The following ST18 variants were observed in gnomAD, a reference collection of about 807,000 sequenced individuals.
ST18 encodes the protein ST18 C2H2C-type zinc finger transcription factor.
Under a neutral mutation model 110.0 loss-of-function variants are expected in ST18, and 50 were observed. The observed-to-expected ratio is 0.45, with a 90% CI of 0.36 to 0.58. The LOEUF (loss-of-function observed/expected upper bound fraction) is 0.58. ST18 is among the 20% of genes least tolerant of loss of function. ST18 has a pLI of 0.00. For synonymous variants in ST18, 461 were observed against 452.4 expected (o/e 1.02, Z -0.24); for missense variants, 1,306 against 1,280.1 (o/e 1.02, Z -0.31).
At chr8:52,130,061 A>AG (rs2048617533) in intron 22 of ST18, among the ~76,000 whole-genome samples, 1 of 146,568 alleles carries the variant, frequency 6.8e-6, no homozygotes, top group African/African-American at 2.7e-5. Context: ...AGAAAGAAAG[A>AG]AAGAGAGAGA....
intron 16 of ST18, among the ~76,000 whole-genome samples, chr8:52,147,649 C>T (rs542463017): frequency 1.3e-5 from 2 of 151,928 alleles, no homozygotes; most frequent in East Asian, 3.9e-4. Context: ...GAAATGAGAA[C>T]ATGTTGGGAT....
chr8:52,370,435 T>C (rs1829860844), intron 2 of ST18, among the ~76,000 whole-genome samples: 1 of 151,346 alleles, frequency 6.6e-6, no homozygotes, highest in Non-Finnish European at 1.5e-5. Context: ...TGAGTGTGCA[T>C]GTTCAGGAGC....
chr8:52,380,978 C>T (rs1472282226), intron 2 of ST18, among the ~76,000 whole-genome samples: 1 of 152,174 alleles, frequency 6.6e-6, no homozygotes, highest in African/African-American at 2.4e-5. Context: ...AATCATCTCT[C>T]CTTCTGGTAT....
intron 2 of ST18, among the ~76,000 whole-genome samples, chr8:52,289,940 C>T (rs1351977910): frequency 1.3e-5 from 2 of 150,702 alleles, no homozygotes; most frequent in Non-Finnish European, 3.0e-5. Flanking sequence ...TTTTAATAGA[C>T]TGGGAAATGA....
At chr8:52,325,580 G>T (rs1805949104) in intron 2 of ST18, among the ~76,000 whole-genome samples, 3 of 152,070 alleles carry the variant, frequency 2.0e-5, no homozygotes, top group Admixed American at 6.5e-5. Flanking sequence ...CCATACTAAT[G>T]AATTAATAAC....
In ST18 at chr8:52,301,098, T is replaced by C. The variant is rs191108138; in HGVS notation, c.-464-71021A>G. On this transcript the variant is annotated intron_variant, in intron 2 of 25. Coordinates refer to ENST00000689386, the MANE Select transcript of ST18 (RefSeq NM_001352837.2). ...GAATGTCTGAATAGATTTCTAATAA[T>C]GGAAGAAATGTTTAAAGTTGTCACA... Among the ~76,000 whole-genome samples the C allele has an allele frequency of 9.4e-3, 1,427 of 152,356 alleles. 23 individuals are homozygous for C. Among genetic ancestry groups the C allele is most frequent in the Non-Finnish European group, 0.014 (932 of 68,038 alleles).
In ST18 at chr8:52,131,705, T is replaced by C. The variant is rs114909191; in HGVS notation, c.2666+253A>G. Among the ~76,000 whole-genome samples, 1,126 of 152,320 alleles carry C rather than the reference T, an allele frequency of 7.4e-3. 25 individuals are homozygous for C. The highest frequency in any genetic ancestry group is 0.026 in the African/African-American group (1,062 of 41,572). On this transcript the variant is annotated intron_variant, in intron 22 of 25. Coordinates refer to ENST00000689386, the MANE Select transcript of ST18 (RefSeq NM_001352837.2). The stretch of plus-strand genomic sequence containing the variant: ...AGAAATAGCAGCCTAAGCAATATTT[T>C]AGAATACAAATAAAACCAACTGTAC...
At chr8:52,159,656 C>T (rs1458415657) in intron 14 of ST18, among the ~76,000 whole-genome samples, 1 of 152,076 alleles carries the variant, frequency 6.6e-6, no homozygotes, top group African/African-American at 2.4e-5. Flanking sequence ...GTTCTTCATC[C>T]AACTAGATGG....
At chr8:52,125,984 C>T (rs915721736) in intron 23 of ST18, 68 bp downstream of exon 23, 66 of 1,243,880 alleles carry the variant, frequency 5.3e-5, no homozygotes, top group East Asian at 3.1e-4. Flanking sequence ...CTTTGACACA[C>T]GGAACGCTTT....
At chr8:52,383,145 G>A (rs922890707) in intron 2 of ST18, among the ~76,000 whole-genome samples, 1 of 152,130 alleles carries the variant, frequency 6.6e-6, no homozygotes, top group African/African-American at 2.4e-5. Context: ...AGAAGAGTAA[G>A]CTCAAAGGGT....
At chr8:52,132,235 C>CCTG in intron 21 of ST18, 56 bp from the exon 22 acceptor site, 1 of 1,450,612 alleles carries the variant, frequency 6.9e-7, no homozygotes. Flanking sequence ...TAGTCCTATG[C>CCTG]TCTCCAGAGA....
intron 2 of ST18, among the ~76,000 whole-genome samples, chr8:52,344,601 A>T (rs1442061653): frequency 6.6e-6 from 1 of 152,022 alleles, no homozygotes; most frequent in Non-Finnish European, 1.5e-5. Flanking sequence ...GAGTTTCACC[A>T]TGTTGGCCAG....
chr8:52,130,111 AAAG>A (rs1300267012), intron 22 of ST18, among the ~76,000 whole-genome samples: 21 of 92,464 alleles, frequency 2.3e-4, no homozygotes, highest in Non-Finnish European at 4.0e-4. Context: ...AGAAAGAAAG[AAAG>A]AAAGAAAAGA....
intron 2 of ST18, among the ~76,000 whole-genome samples, chr8:52,256,675 A>C (rs2094538223): frequency 6.6e-6 from 1 of 152,230 alleles, no homozygotes; most frequent in East Asian, 1.9e-4. Flanking sequence ...TGGTGACAAC[A>C]TGGATTTCTA....
At chr8:52,153,750 C>A (rs191819629) in intron 15 of ST18, among the ~76,000 whole-genome samples, 2 of 152,188 alleles carry the variant, frequency 1.3e-5, no homozygotes, top group Non-Finnish European at 2.9e-5. Context: ...GTTAGACAGG[C>A]ATGAGTTCAA....
intron 8 of ST18, 79 bp from the exon 9 acceptor site, chr8:52,180,391 AC>A: frequency 6.6e-7 from 1 of 1,515,398 alleles, no homozygotes; most frequent in East Asian, 2.3e-5. Context: ...ATGAAGTCTA[AC>A]CTAAAGCCTT....
At chr8:52,366,616 C>T (rs192753423) in intron 2 of ST18, among the ~76,000 whole-genome samples, 3 of 152,308 alleles carry the variant, frequency 2.0e-5, no homozygotes, top group East Asian at 1.9e-4. Flanking sequence ...GCTTCATCTG[C>T]GTAACTGCCA....
intron 2 of ST18, among the ~76,000 whole-genome samples, chr8:52,279,067 A>G (rs979268276): frequency 6.6e-6 from 1 of 152,210 alleles, no homozygotes; most frequent in Non-Finnish European, 1.5e-5. Flanking sequence ...AGTGAGGGAC[A>G]GTAAACAGAA....
At chr8:52,127,746 C>T (rs753798893) in intron 22 of ST18, among the ~76,000 whole-genome samples, 2 of 151,732 alleles carry the variant, frequency 1.3e-5, no homozygotes, top group Non-Finnish European at 2.9e-5. Context: ...TCCAAAATGC[C>T]ACTTGATTTT....
Sources: allele counts gnomAD v4.1 joint callset (sites outside exome capture counted in the v4.1 genomes callset), GRCh38; gene constraint gnomAD v4.1.1; transcripts MANE v1.5; gene names NCBI Gene and HGNC (gene_info 2026-07-23, HGNC 2026-07-21).